The following VSIG10 variants were observed in gnomAD, a reference collection of about 807,000 sequenced individuals.
VSIG10 encodes the protein V-set and immunoglobulin domain-containing protein 10.
VSIG10 carries 48 observed loss-of-function variants against 58.7 expected under a neutral mutation model. That is an observed-to-expected ratio of 0.82 (90% CI 0.65 to 1.04). The LOEUF is 1.04. VSIG10 is among the 50% of genes least tolerant of loss of function. The probability of loss-of-function intolerance (pLI) is 0.00; values close to 1 mark genes in which losing one functional copy is unlikely to be tolerated. For missense variants in VSIG10, 628 were observed against 670.0 expected (o/e 0.94, Z 0.69); for synonymous variants, 260 against 267.1 (o/e 0.97, Z 0.26).
At chr12:118,100,613 T>C (rs1362152974) in intron 1 of VSIG10, among the ~76,000 whole-genome samples, 2 of 152,156 alleles carry the variant, frequency 1.3e-5, no homozygotes, top group African/African-American at 4.8e-5. Context: ...CACTGCAACC[T>C]CTGCCTTTGG....
At chr12:118,071,282 G>T (rs2084946374) in intron 6 of VSIG10, 77 bp downstream of exon 6, 2 of 1,438,130 alleles carry the variant, frequency 1.4e-6, no homozygotes, top group South Asian at 1.2e-5. Context: ...GTGGGAGCAA[G>T]GCAGGGGCCA....
At chr12:118,068,324 C>T (rs2032338159) in intron 8 of VSIG10, 53 bp downstream of exon 8, 14 of 1,581,620 alleles carry the variant, frequency 8.9e-6, no homozygotes, top group African/African-American at 4.1e-5. Context: ...CGTGAGCCAA[C>T]GCGCCTTTTT....
chr12:118,087,654 T>C (rs1034068872), intron 2 of VSIG10, among the ~76,000 whole-genome samples: 5 of 151,760 alleles, frequency 3.3e-5, no homozygotes, highest in South Asian at 2.1e-4. Flanking sequence ...CTGGGCAATA[T>C]AGTGAGACCT....
chr12:118,073,818 C>A lies in VSIG10; in HGVS notation c.1100G>T (p.Gly367Val). The change falls in exon 5 of 9, where the codon GGC (glycine) becomes GTC (valine). Residue 367 changes from glycine to valine, a missense_variant. Gly to Val is a moderately radical substitution (Grantham distance 109). Transcript: ENST00000359236. ...GTGGATAGTGAGGGTGGAGTTCTGG[C>A]CATCCTGGGTAATGAGATGGCGGCT... ...PSSRHLITQDGQNSTLTIHNC... is the reference protein window; with the variant it reads ...PSSRHLITQDVQNSTLTIHNC... 1 of 1,613,914 alleles carries A rather than the reference C, an allele frequency of 6.2e-7. No homozygotes were observed. Among genetic ancestry groups the A allele is most frequent in the South Asian group, 1.1e-5 (1 of 91,078 alleles).
Position 118,078,962 on chromosome 12 carries a change from AAAAAAAT to A in VSIG10, c.925+377_925+383del, listed in dbSNP as rs1420187782. On this transcript the variant is annotated intron_variant, in intron 4 of 8. Transcript: ENST00000359236. ...TAAAAAAAAAAAAAAAAAAAAAAAAAAAAAAATTTTCTTTATAAACTACCCAGCCTCA... is the reference window on the plus strand; with the variant it reads ...TAAAAAAAAAAAAAAAAAAAAAAAAATTTCTTTATAAACTACCCAGCCTCA... Among the ~76,000 whole-genome samples, 264 of 140,146 alleles carry A rather than the reference AAAAAAAT, an allele frequency of 1.9e-3. 23 individuals are homozygous for A. The highest frequency in any genetic ancestry group is 8.9e-3 in the Admixed American group (122 of 13,658). The allele number at this position is 140,146 out of a possible 152,430, so 91.9% of individuals were successfully genotyped here. A position where few individuals can be genotyped will look rare whatever the true frequency, so the allele number is the denominator to read the frequency against.
chr12:118,089,856 C>T (rs570911994), intron 2 of VSIG10, among the ~76,000 whole-genome samples: 67 of 152,238 alleles, frequency 4.4e-4, no homozygotes, highest in African/African-American at 1.3e-3. Context: ...AGGCCACTGT[C>T]GCCACCCTGT....
Position 118,068,454 on chromosome 12 carries a change from T to C in VSIG10, c.1490A>G (p.Gln497Arg), listed in dbSNP as rs1463381661. 2.5e-6 allele frequency: 4 copies of C among 1,613,800 alleles called. No homozygotes were observed. Among genetic ancestry groups the C allele is most frequent in the Non-Finnish European group, 3.4e-6 (4 of 1,179,900 alleles). The change falls in exon 8 of 9, where the codon CAG becomes CGG. Residue 497 changes from glutamine to arginine, a missense_variant. Physicochemically the swap from Gln to Arg is conservative, Grantham distance 43. Transcript: ENST00000359236. Reference sequence around the variant, plus strand: ...GGCGGTCACTCTGTGAATGTGGTCCTGCTTAGGTATTTCTTTTGGCAACTC... The same window carrying C: ...GGCGGTCACTCTGTGAATGTGGTCCCGCTTAGGTATTTCTTTTGGCAACTC... Reference protein sequence around the residue: ...REELPKEIPKQDHIHRVTALV... With the variant: ...REELPKEIPKRDHIHRVTALV...
At chr12:118,096,565 CG>C (rs201154527) in intron 1 of VSIG10, among the ~76,000 whole-genome samples, 3,759 of 139,512 alleles carry the variant, frequency 0.027, 168 homozygotes, top group African/African-American at 0.094. Flanking sequence ...GCAACAAGAG[CG>C]TAACTCCGTC....
chr12:118,081,559 C>T (rs1434912848), intron 3 of VSIG10, among the ~76,000 whole-genome samples: 1 of 152,036 alleles, frequency 6.6e-6, no homozygotes, highest in Non-Finnish European at 1.5e-5. Context: ...AAAAAGAATG[C>T]ATTAGTGTTC....
intron 2 of VSIG10, 113 bp from the exon 3 acceptor site, chr12:118,082,542 C>T: frequency 9.6e-7 from 1 of 1,037,782 alleles, no homozygotes; most frequent in Non-Finnish European, 1.4e-6. Context: ...AGTATGGTAT[C>T]TATCTAATAC....
intron 2 of VSIG10, among the ~76,000 whole-genome samples, chr12:118,089,481 T>C (rs2033230680): frequency 6.6e-6 from 1 of 152,186 alleles, no homozygotes; most frequent in African/African-American, 2.4e-5. Context: ...GGTTATTCAT[T>C]GATGAGATGG....
In VSIG10 at chr12:118,073,911, G is replaced by A. The variant is rs1368281048; in HGVS notation, c.1007C>T (p.Ala336Val). Residue 336 changes from alanine to valine, a missense_variant, in exon 5 of 9, where the codon GCC becomes GTC. Physicochemically the swap from Ala to Val is moderately conservative, Grantham distance 64. Coordinates refer to ENST00000359236, the MANE Select transcript of VSIG10 (RefSeq NM_019086.6). ...NVTLTCQVSG[A>V]YPPAKILWLR... Reference sequence around the variant, plus strand: ...CCACAGGATCTTGGCAGGGGGGTAGGCCCCAGACACCTGGCATGTAAGCGT... The same window carrying A: ...CCACAGGATCTTGGCAGGGGGGTAGACCCCAGACACCTGGCATGTAAGCGT... 2.5e-6 allele frequency: 4 copies of A among 1,613,294 alleles called. No individual in the cohort carries two copies. The highest frequency in any genetic ancestry group is 2.2e-5 in the East Asian group (1 of 44,876).
Position 118,089,520 on chromosome 12 carries a change from C to G in VSIG10, c.361+6013G>C, listed in dbSNP as rs916702013. ...GGAAGCGATGACTAATTATTTTGGG[C>G]AGGTGGACTGAGGGAGACCAGCCAG... On this transcript the variant is annotated intron_variant, in intron 2 of 8. Coordinates refer to ENST00000359236, the MANE Select transcript of VSIG10 (RefSeq NM_019086.6). Among the ~76,000 whole-genome samples the G allele has an allele frequency of 3.3e-5, 5 of 152,286 alleles. No individual in the cohort carries two copies. In the East Asian group the frequency reaches 9.6e-4, roughly 29 times the overall value.
Position 118,079,330 on chromosome 12 carries a change from A to G in VSIG10, c.925+16T>C. The G allele has an allele frequency of 6.2e-7, 1 of 1,611,374 alleles. No individual in the cohort carries two copies. On this transcript the variant is annotated intron_variant, in intron 4 of 8. Coordinates refer to ENST00000359236, the MANE Select transcript of VSIG10 (RefSeq NM_019086.6). ...CAGGGAAACTCCAACCCCAAGACAA[A>G]GCAAAACAGACTCACTGATCTGCAC...
intron 1 of VSIG10, among the ~76,000 whole-genome samples, chr12:118,096,288 A>T (rs149526370): frequency 6.6e-6 from 1 of 151,688 alleles, no homozygotes; most frequent in African/African-American, 2.4e-5. Context: ...TAAAAATACA[A>T]AAAATTGTGG....
chr12:118,073,787 G>A lies in VSIG10; in HGVS notation c.1131C>T (p.Cys377=). ...GQNSTLTIHN[C]SQDLDEGYYI... is the part of the protein sequence containing the mutation. ...AGTAGCCCTCATCCAGGTCCTGGGA[G>A]CAGTTGTGGATAGTGAGGGTGGAGT... Residue 377 remains cysteine (C), a synonymous_variant, in exon 5 of 9, where the codon TGC becomes TGT. Coordinates refer to ENST00000359236, the MANE Select transcript of VSIG10 (RefSeq NM_019086.6). 6.2e-7 allele frequency: 1 copy of A among 1,614,022 alleles called. No individual in the cohort carries two copies. Among genetic ancestry groups the A allele is most frequent in the Non-Finnish European group, 8.5e-7 (1 of 1,179,898 alleles).
At chr12:118,093,605 C>T (rs140009846) in intron 2 of VSIG10, among the ~76,000 whole-genome samples, 229 of 152,086 alleles carry the variant, frequency 1.5e-3, no homozygotes, top group Non-Finnish European at 2.6e-3. Flanking sequence ...GTACTTAGCA[C>T]CGTAGTATAA....
At chr12:118,070,840 C>T (rs2032461277) in intron 7 of VSIG10, 1 of 609,438 alleles carries the variant, frequency 1.6e-6, no homozygotes. Flanking sequence ...GCCTCCATCC[C>T]CTTATCTGGA....
At chr12:118,095,096 G>T (rs1419444774) in intron 2 of VSIG10, among the ~76,000 whole-genome samples, 1 of 152,114 alleles carries the variant, frequency 6.6e-6, no homozygotes, top group Non-Finnish European at 1.5e-5. Context: ...ATAGAGATGG[G>T]GTTTCACCAT....
Sources: allele counts gnomAD v4.1 joint callset (sites outside exome capture counted in the v4.1 genomes callset), GRCh38; gene constraint gnomAD v4.1.1; transcripts MANE v1.5; gene names NCBI Gene and HGNC (gene_info 2026-07-23, HGNC 2026-07-21).